Variants in DNAI4 observed in about 807,000 individuals in gnomAD.
DNAI4 encodes the protein WD repeat domain 78.
A neutral mutation model predicts 105.8 loss-of-function variants in DNAI4; 85 were observed. The observed-to-expected ratio is 0.80, with a 90% CI of 0.67 to 0.96. The LOEUF (loss-of-function observed/expected upper bound fraction) is 0.96, where lower values mean the gene tolerates loss of function less well. Among genes scored for constraint, DNAI4 ranks in the 40% least tolerant of loss-of-function variants. The pLI, the probability that DNAI4 is intolerant of heterozygous loss-of-function variation, is 0.00. For synonymous variants in DNAI4, 352 were observed against 331.5 expected, an observed-to-expected ratio of 1.06 and a Z score of -0.67; for missense variants, 1,014 against 1,005.6, an observed-to-expected ratio of 1.01 and a Z score of -0.11.
intron 2 of DNAI4, among the ~76,000 whole-genome samples, chr1:66,897,010 T>G (rs886353696): frequency 6.6e-5 from 10 of 151,622 alleles, no homozygotes; most frequent in Non-Finnish European, 1.5e-4. Flanking sequence ...TAAACAGCAC[T>G]AAGGGTGATT....
At chr1:66,859,380 G>A (rs1646576511) in intron 7 of DNAI4, among the ~76,000 whole-genome samples, 1 of 152,160 alleles carries the variant, frequency 6.6e-6, no homozygotes, top group African/African-American at 2.4e-5. Context: ...CACTTTGGAA[G>A]ACAGTTGGTA....
At chr1:66,882,524 CT>C (rs1553225111) in intron 4 of DNAI4, among the ~76,000 whole-genome samples, 1 of 150,678 alleles carries the variant, frequency 6.6e-6, no homozygotes, top group South Asian at 2.1e-4. Flanking sequence ...CTCTCTCTCT[CT>C]TTTTTTTTGC....
At chr1:66,835,808 G>A (rs1474378469) in intron 10 of DNAI4, 31 bp from the exon 11 acceptor site, 1 of 1,603,874 alleles carries the variant, frequency 6.2e-7, no homozygotes, top group Non-Finnish European at 8.5e-7. Context: ...TTTTCAATTT[G>A]TTTTTGTAGA....
rs1645700379 is a variant in DNAI4, at chr1:66,824,270, T to C, written c.2340-1753A>G. 2.1e-5 allele frequency among the ~76,000 whole-genome samples: 3 copies of C among 144,478 alleles called. No individual in the cohort carries two copies. The South Asian group carries it at 7.0e-4, about 34-fold the overall frequency. 94.8% of individuals were successfully genotyped at this position (144,478 alleles called of 152,430 possible). ...CTCTGTTCTGTTCCATTGATCTATA[T>C]CTCTGTTTTGGTAGCAGTACCATGC... On this transcript the variant is annotated intron_variant, in intron 15 of 16. Transcript: ENST00000371026.
At chr1:66,883,581 T>C (rs950372546) in intron 4 of DNAI4, among the ~76,000 whole-genome samples, 5 of 152,170 alleles carry the variant, frequency 3.3e-5, no homozygotes, top group African/African-American at 1.2e-4. Context: ...CTTGGCCCAA[T>C]CTGCATGAAC....
intron 8 of DNAI4, among the ~76,000 whole-genome samples, chr1:66,845,029 A>G (rs1014221422): frequency 2.0e-5 from 3 of 151,880 alleles, no homozygotes; most frequent in Admixed American, 2.0e-4. Context: ...CCCGGTCTCT[A>G]CTAAACTACA....
intron 7 of DNAI4, chr1:66,860,943 T>C (rs1021861187): frequency 6.6e-6 from 1 of 152,190 alleles, no homozygotes; most frequent in Non-Finnish European, 1.5e-5. Flanking sequence ...GAAAATTAAC[T>C]ATTCCTCATT....
intron 1 of DNAI4, among the ~76,000 whole-genome samples, chr1:66,906,290 C>T (rs919898673): frequency 6.6e-6 from 1 of 152,060 alleles, no homozygotes; most frequent in Non-Finnish European, 1.5e-5. Context: ...TTTGGATTTA[C>T]CCTGTAAATT....
intron 9 of DNAI4, among the ~76,000 whole-genome samples, chr1:66,839,054 T>A (rs1231306014): frequency 1.3e-5 from 2 of 152,216 alleles, no homozygotes. Flanking sequence ...TAATTTAATC[T>A]CCATAGCAAT....
At chr1:66,877,711 T>C (rs1295085712) in intron 4 of DNAI4, among the ~76,000 whole-genome samples, 1 of 152,194 alleles carries the variant, frequency 6.6e-6, no homozygotes, top group Non-Finnish European at 1.5e-5. Context: ...CCACATTACA[T>C]TTAGTCATGA....
At chr1:66,912,692 G>C (rs538398862) in intron 1 of DNAI4, among the ~76,000 whole-genome samples, 1 of 152,096 alleles carries the variant, frequency 6.6e-6, no homozygotes, top group Non-Finnish European at 1.5e-5. Context: ...GCTGAGTCAC[G>C]GGCGCGCATG....
intron 7 of DNAI4, chr1:66,848,389 A>G: frequency 2.6e-6 from 1 of 378,062 alleles, no homozygotes; most frequent in Non-Finnish European, 5.2e-6. Context: ...TAATCTCTCC[A>G]TCTGAAAATC....
chr1:66,876,370 T>C (rs1646959181), intron 4 of DNAI4, among the ~76,000 whole-genome samples: 1 of 152,182 alleles, frequency 6.6e-6, no homozygotes, highest in Non-Finnish European at 1.5e-5. Flanking sequence ...CTTTGCAATT[T>C]AGTTATATAA....
At chr1:66,859,988 T>A (rs1174296869) in intron 7 of DNAI4, among the ~76,000 whole-genome samples, 1 of 152,112 alleles carries the variant, frequency 6.6e-6, no homozygotes, top group Non-Finnish European at 1.5e-5. Flanking sequence ...AATAATAATG[T>A]ATCAACATTG....
At chr1:66,847,064 G>T (rs990562374) in intron 8 of DNAI4, among the ~76,000 whole-genome samples, 2 of 152,136 alleles carry the variant, frequency 1.3e-5, no homozygotes, top group African/African-American at 2.4e-5. Flanking sequence ...ATTGAATGCA[G>T]GAATAAGGGA....
intron 16 of DNAI4, 88 bp downstream of exon 16, chr1:66,822,265 CTAAGATAT>C: frequency 8.8e-7 from 1 of 1,138,326 alleles, no homozygotes; most frequent in East Asian, 2.6e-5. Context: ...TATATTACAC[CTAAGATAT>C]TGAGAAATGT....
intron 4 of DNAI4, among the ~76,000 whole-genome samples, chr1:66,879,247 C>A (rs1647018050): frequency 6.6e-6 from 1 of 152,080 alleles, no homozygotes; most frequent in African/African-American, 2.4e-5. Context: ...TATAGTTTTG[C>A]CTTTCTCTAG....
intron 10 of DNAI4, 85 bp downstream of exon 10, chr1:66,837,621 CTTTA>C (rs767098706): frequency 7.4e-7 from 1 of 1,359,592 alleles, no homozygotes; most frequent in South Asian, 1.4e-5. Flanking sequence ...ATTTTCTAGA[CTTTA>C]TTTAATTATT....
chr1:66,844,430 G>A (rs1363888094), intron 8 of DNAI4, among the ~76,000 whole-genome samples: 2 of 152,020 alleles, frequency 1.3e-5, no homozygotes, highest in African/African-American at 4.8e-5. Flanking sequence ...GGTAGTAGTG[G>A]CGTGCACCTA....
Sources: gnomAD v4.1 joint callset for allele counts (sites outside exome capture counted in the v4.1 genomes callset) on GRCh38, gnomAD v4.1.1 for gene constraint, MANE v1.5 for transcripts, NCBI Gene and HGNC (gene_info 2026-07-23, HGNC 2026-07-21) for gene names.